The following ANKRD17 variants were observed in gnomAD, a reference collection of about 807,000 sequenced individuals.
The protein encoded by ANKRD17 is ankyrin repeat domain-containing protein 17.
In ANKRD17, 19 loss-of-function variants were observed where a neutral mutation model predicts 229.7. The observed-to-expected ratio is 0.08, with a 90% confidence interval of 0.06 to 0.12. The LOEUF is 0.12. Among genes scored for constraint, ANKRD17 ranks in the 10% least tolerant of loss-of-function variants. ANKRD17 has a pLI of 1.00. For synonymous variants in ANKRD17, 1,112 were observed against 1,146.1 expected, an observed-to-expected ratio of 0.97 and a Z score of 0.60; for missense variants, 2,176 against 3,176.8, an observed-to-expected ratio of 0.68 and a Z score of 7.57.
chr4:73,133,835 T>C (rs1380209803), intron 16 of ANKRD17, among the ~76,000 whole-genome samples: 1 of 151,974 alleles, frequency 6.6e-6, no homozygotes, highest in East Asian at 1.9e-4. Flanking sequence ...AAGAACCCAT[T>C]ACAAAAGAAA....
At chr4:73,211,129 T>C (rs1336277646) in intron 1 of ANKRD17, among the ~76,000 whole-genome samples, 2 of 152,086 alleles carry the variant, frequency 1.3e-5, no homozygotes, top group Non-Finnish European at 2.9e-5. Flanking sequence ...AAGCACATAA[T>C]ACAGACCATA....
chr4:73,158,152 A>G (rs1032482520), intron 3 of ANKRD17, among the ~76,000 whole-genome samples: 9 of 128,806 alleles, frequency 7.0e-5, no homozygotes, highest in African/African-American at 2.3e-4. Context: ...GAAAGGAAGA[A>G]AAAGAAAGAA....
At chr4:73,184,212 G>A (rs1050376220) in intron 1 of ANKRD17, among the ~76,000 whole-genome samples, 3 of 152,112 alleles carry the variant, frequency 2.0e-5, no homozygotes, top group East Asian at 1.9e-4. Context: ...TAATAAACTC[G>A]TATTTATTCC....
chr4:73,142,879 AC>A, intron 11 of ANKRD17, 112 bp from the exon 12 acceptor site: 1 of 1,180,578 alleles, frequency 8.5e-7, no homozygotes. Context: ...GGCTCCACAT[AC>A]CCATTACCGA....
intron 1 of ANKRD17, among the ~76,000 whole-genome samples, chr4:73,223,853 A>T (rs1389658147): frequency 6.6e-6 from 1 of 152,170 alleles, no homozygotes; most frequent in Non-Finnish European, 1.5e-5. Flanking sequence ...AGTGGAGCCA[A>T]TATATATTAT....
At chr4:73,184,381 T>C (rs1241098279) in intron 1 of ANKRD17, among the ~76,000 whole-genome samples, 1 of 151,722 alleles carries the variant, frequency 6.6e-6, no homozygotes, top group Non-Finnish European at 1.5e-5. Context: ...ATACAAAAAT[T>C]AGCCAGGTGT....
chr4:73,189,933 A>G (rs1459483877), intron 1 of ANKRD17, among the ~76,000 whole-genome samples: 1 of 152,244 alleles, frequency 6.6e-6, no homozygotes, highest in Non-Finnish European at 1.5e-5. Context: ...ACACATTATG[A>G]CTAACATTAA....
At position 73,077,613 on chromosome 4, in the gene ANKRD17, C is replaced by A. The variant is rs1415723571; in HGVS notation, c.7409-80G>T. 1.6e-5 allele frequency: 20 copies of A among 1,227,978 alleles called. No homozygotes were observed. The East Asian group carries it at 5.6e-4, about 34-fold the overall frequency. 76.1% of individuals were successfully genotyped at this position (1,227,978 alleles called of 1,614,324 possible). ...AAATATTTTGTTTTTCTAATATTTT[C>A]CACATTGAACCGTAAATTATTTCAA... is the stretch of plus-strand genomic sequence containing the variant. On this transcript the variant is annotated intron_variant, in intron 31 of 33. Transcript: ENST00000358602.
At chr4:73,182,287 G>T (rs1004898941) in intron 1 of ANKRD17, among the ~76,000 whole-genome samples, 36 of 151,844 alleles carry the variant, frequency 2.4e-4, no homozygotes, top group African/African-American at 8.7e-4. Flanking sequence ...TGACCAGCTG[G>T]ATATTTTATG....
chr4:73,203,128 T>C (rs1160333799), intron 1 of ANKRD17, among the ~76,000 whole-genome samples: 1 of 152,222 alleles, frequency 6.6e-6, no homozygotes, highest in Non-Finnish European at 1.5e-5. Flanking sequence ...TAGGCTTATT[T>C]CCTCTGGTTG....
At chr4:73,100,810 G>A (rs1723884543) in intron 25 of ANKRD17, 4 of 977,620 alleles carry the variant, frequency 4.1e-6, no homozygotes, top group Non-Finnish European at 4.9e-6. Flanking sequence ...AAATGCTGGA[G>A]AAGGGAAATT....
rs534522324 is a variant in ANKRD17, at chr4:73,120,043, CT to C, written c.4025+118del. 316 of 1,125,970 alleles carry C rather than the reference CT, an allele frequency of 2.8e-4. 2 individuals are homozygous for C. The African/African-American group carries it at 4.3e-3, about 15-fold the overall frequency. 69.7% of individuals were successfully genotyped at this position (1,125,970 alleles called of 1,614,324 possible). ...ATGGGTAGGTTTGGGGGAAAAAGCA[CT>C]TGTTTATAAAAGAAGAAATAATCAC... On this transcript the variant is annotated intron_variant, in intron 21 of 33. Transcript: ENST00000358602.
At position 73,113,891 on chromosome 4, in the gene ANKRD17, A is replaced by G; in HGVS notation, c.4302T>C (p.Cys1434=). The change falls in exon 24 of 34, where the codon TGT becomes TGC. Residue 1434 remains cysteine, a synonymous_variant. Transcript: ENST00000358602. ...TITDKEMLKK[C]HLCMESIVQA... Reference sequence around the variant, plus strand: ...GTACTATTGACTCCATACAAAGATGACACTTCTTCAGCATCTCCTATAATG... The same window carrying G: ...GTACTATTGACTCCATACAAAGATGGCACTTCTTCAGCATCTCCTATAATG... 6.2e-7 allele frequency: 1 copy of G among 1,611,632 alleles called. No individual in the cohort carries two copies. The highest frequency in any genetic ancestry group is 1.1e-5 in the South Asian group (1 of 90,814).
chr4:73,113,965 AT>A, intron 23 of ANKRD17, 57 bp from the exon 24 acceptor site: 2 of 1,278,930 alleles, frequency 1.6e-6, no homozygotes, highest in Non-Finnish European at 2.2e-6. Context: ...ACTTAGAGAA[AT>A]TCCTAAAAAC....
At chr4:73,212,171 A>G (rs955969056) in intron 1 of ANKRD17, among the ~76,000 whole-genome samples, 1 of 152,140 alleles carries the variant, frequency 6.6e-6, no homozygotes, top group African/African-American at 2.4e-5. Context: ...TTCACTGTAC[A>G]AGAATAACTC....
At chr4:73,095,564 T>G (rs1478337553) in intron 27 of ANKRD17, among the ~76,000 whole-genome samples, 4 of 147,060 alleles carry the variant, frequency 2.7e-5, no homozygotes, top group African/African-American at 5.1e-5. Flanking sequence ...ATCACGCCAT[T>G]GCATTCTAGC....
chr4:73,203,773 A>G (rs1355778395), intron 1 of ANKRD17, among the ~76,000 whole-genome samples: 4 of 151,158 alleles, frequency 2.6e-5, no homozygotes, highest in Non-Finnish European at 5.9e-5. Context: ...AAAAAAAAAA[A>G]AAAAAAGAAA....
At chr4:73,086,737 C>T (rs1722164808) in intron 29 of ANKRD17, among the ~76,000 whole-genome samples, 1 of 149,224 alleles carries the variant, frequency 6.7e-6, no homozygotes. Flanking sequence ...TACAGGTGTT[C>T]ACCATTACAC....
rs1265838167 is a variant in ANKRD17 at position 73,075,399 on chromosome 4, G to A, written c.*832C>T. ...CCATCTCTGTAGCAGCCATTACAGT[G>A]AAAATCTTGACAGAACCTTTTCACT... On this transcript the variant is annotated 3_prime_UTR_variant, in exon 34 of 34. Transcript: ENST00000358602. The A allele has an allele frequency of 6.6e-6, 1 of 152,236 alleles. No individual in the cohort carries two copies. Among genetic ancestry groups the A allele is most frequent in the African/African-American group, 2.4e-5 (1 of 41,448 alleles). The allele number at this position is 152,236 out of a possible 1,614,324, so 9.4% of individuals were successfully genotyped here.
Sources: allele counts gnomAD v4.1 joint callset (sites outside exome capture counted in the v4.1 genomes callset), GRCh38; gene constraint gnomAD v4.1.1; transcripts MANE v1.5; gene names NCBI Gene and HGNC (gene_info 2026-07-23, HGNC 2026-07-21).